TERT: variants seen among roughly 807,000 people sequenced by gnomAD.
The protein encoded by TERT is telomerase catalytic subunit.
In TERT, 42 loss-of-function variants were observed where a neutral mutation model predicts 104.0. That is an observed-to-expected ratio of 0.40 (90% CI 0.32 to 0.52). The LOEUF is 0.52. TERT is among the 20% of genes least tolerant of loss of function. TERT has a pLI of 0.43. For missense variants in TERT, 1,101 were observed against 1,610.3 expected (o/e 0.68, Z 5.41); for synonymous variants, 781 against 725.6 (o/e 1.08, Z -1.23).
chr5:1,289,410 A>G (rs1750721074), intron 2 of TERT, among the ~76,000 whole-genome samples: 1 of 131,268 alleles, frequency 7.6e-6, no homozygotes, highest in Non-Finnish European at 1.6e-5. Flanking sequence ...TGACAGGGAC[A>G]CCCGGGGACG....
chr5:1,282,819 A>C, intron 2 of TERT, 195 bp from the exon 3 acceptor site: 1 of 627,290 alleles, frequency 1.6e-6, no homozygotes, highest in South Asian at 1.7e-5. Context: ...CACCATTCGG[A>C]CACGGGGACA....
chr5:1,254,543 C>T, intron 14 of TERT, 38 bp from the exon 15 acceptor site: 1 of 1,588,734 alleles, frequency 6.3e-7, no homozygotes, highest in Non-Finnish European at 8.6e-7. Flanking sequence ...ACAGGCCCAG[C>T]CCAGCTCCCC....
intron 11 of TERT, 123 bp from the exon 12 acceptor site, chr5:1,260,723 C>T: frequency 1.4e-6 from 2 of 1,420,884 alleles, no homozygotes; most frequent in Non-Finnish European, 1.9e-6. Context: ...GGGGCATGCG[C>T]TGCAGCCCGA....
intron 6 of TERT, among the ~76,000 whole-genome samples, chr5:1,277,604 G>GT (rs1338328860): frequency 2.1e-4 from 13 of 61,182 alleles, no homozygotes; most frequent in Non-Finnish European, 2.3e-4. Flanking sequence ...CAGCGGGGAT[G>GT]TGGGGGGGGG....
chr5:1,293,307 C>T lies in TERT; in HGVS notation c.1573+6G>A, dbSNP rs1561213199. On this transcript the variant is annotated splice_donor_region_variant and intron_variant, in intron 2 of 15. Coordinates refer to ENST00000310581, the MANE Select transcript of TERT (RefSeq NM_198253.3). Reference sequence around the variant, plus strand: ...CCTGGGCCCTCGACGGCCACCACCTCCTCACCTGGGCTCCTGCGCAGCCAA... The same window carrying T: ...CCTGGGCCCTCGACGGCCACCACCTTCTCACCTGGGCTCCTGCGCAGCCAA... 6.2e-7 allele frequency: 1 copy of T among 1,612,728 alleles called. No homozygotes were observed. The highest frequency in any genetic ancestry group is 1.7e-5 in the Admixed American group (1 of 60,036).
chr5:1,280,100 A>C, intron 4 of TERT, 58 bp downstream of exon 4: 4 of 1,607,160 alleles, frequency 2.5e-6, no homozygotes, highest in Non-Finnish European at 2.6e-6. Context: ...GCTGATACCA[A>C]ATGTGGGGCT....
chr5:1,270,071 C>T lies in TERT; in HGVS notation c.2468+1048G>A, dbSNP rs1012601518. On this transcript the variant is annotated intron_variant, in intron 8 of 15. Transcript: ENST00000310581. The surrounding 1 kb of genome is among the most constrained non-coding windows in gnomAD (Gnocchi z 8.3). ...TTCTCTGGGGAGGTGACTTTGTCAG[C>T]GAATTCTGTGGGCCTGGGGGCCGCT... Among the ~76,000 whole-genome samples the T allele has an allele frequency of 1.3e-5, 2 of 152,130 alleles. No individual in the cohort carries two copies. Among genetic ancestry groups the T allele is most frequent in the Non-Finnish European group, 1.5e-5 (1 of 68,036 alleles).
chr5:1,282,283 G>T, intron 3 of TERT, 146 bp downstream of exon 3: 5 of 785,198 alleles, frequency 6.4e-6, no homozygotes, highest in Non-Finnish European at 8.7e-6. Context: ...GAATCCACTT[G>T]GACCAGGCCT....
rs1346650601 is a variant in TERT at position 1,294,030 on chromosome 5, C to T, written c.856G>A (p.Glu286Lys). ...TGGCGCGTGCCAGAGAGCGCACCCT[C>T]CAAAGAGGTGGCTTCTTCGGCGGGT... ...ARPAEEATSL[E>K]GALSGTRHSH... Residue 286 changes from glutamate to lysine, a missense_variant, in exon 2 of 16, where the codon GAG (glutamate) becomes AAG (lysine). By Grantham distance (56) the Glu-to-Lys change is moderately conservative. Coordinates refer to ENST00000310581, the MANE Select transcript of TERT (RefSeq NM_198253.3). 1 of 1,598,802 alleles carries T rather than the reference C, an allele frequency of 6.3e-7. No individual in the cohort carries two copies. Among genetic ancestry groups the T allele is most frequent in the Non-Finnish European group, 8.5e-7 (1 of 1,174,462 alleles).
rs1419571242 is a variant in TERT, at chr5:1,254,381, C to A, written c.3282G>T (p.Gly1094=). The A allele has an allele frequency of 6.2e-7, 1 of 1,613,080 alleles. No homozygotes were observed. Among genetic ancestry groups the A allele is most frequent in the African/African-American group, 1.3e-5 (1 of 74,926 alleles). Residue 1094 remains glycine, a synonymous_variant, in exon 15 of 16, where the codon GGG becomes GGT. Coordinates refer to ENST00000310581, the MANE Select transcript of TERT (RefSeq NM_198253.3). ...ACCCACACTTGCCTGTCCTGAGTGA[C>A]CCCAGGAGTGGCACGTAGGTGACAC... ...RHRVTYVPLL[G]SLRTAQTQLS... is the part of the protein sequence containing the mutation.
At chr5:1,276,485 C>T (rs912470950) in intron 6 of TERT, among the ~76,000 whole-genome samples, 1 of 149,746 alleles carries the variant, frequency 6.7e-6, no homozygotes, top group Non-Finnish European at 1.5e-5. Context: ...ACCAATCCCA[C>T]AGATCCCCAC....
chr5:1,268,951 C>T lies in TERT; in HGVS notation c.2469-318G>A, dbSNP rs35883631. On this transcript the variant is annotated intron_variant, in intron 8 of 15. Coordinates refer to ENST00000310581, the MANE Select transcript of TERT (RefSeq NM_198253.3). The surrounding 1 kb of genome is among the most constrained non-coding windows in gnomAD (Gnocchi z 5.5). ...TATTCACAGAACCAGACACTTGACC[C>T]GGAATGAATGCTTAACCGGACTCCT... Among the ~76,000 whole-genome samples the T allele has an allele frequency of 4.6e-5, 7 of 151,830 alleles. No individual in the cohort carries two copies. Among genetic ancestry groups the T allele is most frequent in the South Asian group, 4.2e-4 (2 of 4,806 alleles).
rs1748147415 is a variant in TERT at position 1,260,485 on chromosome 5, G to C, written c.2959C>G (p.Leu987Val). The C allele has an allele frequency of 6.2e-7, 1 of 1,614,106 alleles. No individual in the cohort carries two copies. Among genetic ancestry groups the C allele is most frequent in the Non-Finnish European group, 8.5e-7 (1 of 1,180,000 alleles). Residue 987 changes from leucine (L) to valine (V), a missense_variant, in exon 12 of 16, where the codon CTG (leucine) becomes GTG (valine). Coordinates refer to ENST00000310581, the MANE Select transcript of TERT (RefSeq NM_198253.3). ...ATCAGCCTGCTCACCTGCAAATCCA[G>C]AAACAGGCTGTGACACTTCAGCCGC... ...VLRLKCHSLF[L>V]DLQVNSLQTV...
intron 4 of TERT, 63 bp downstream of exon 4, chr5:1,280,091 CTGAT>C: frequency 6.2e-7 from 1 of 1,601,014 alleles, no homozygotes; most frequent in East Asian, 2.2e-5. Context: ...TTCATCTAAG[CTGAT>C]ACCAAATGTG....
rs1301306499 is a variant in TERT, at chr5:1,257,936, T to C, written c.3032+662A>G. On this transcript the variant is annotated intron_variant, in intron 13 of 15. Transcript: ENST00000310581. This position sits in a 1 kb window ranked among gnomAD's most constrained non-coding sequence, Gnocchi z 5.6. Reference sequence around the variant, plus strand: ...CGGGCCTGTGGTGCCCGACTGCCCTTTGGTACAGCCCCGAGGCTTGTGCCA... The same window carrying C: ...CGGGCCTGTGGTGCCCGACTGCCCTCTGGTACAGCCCCGAGGCTTGTGCCA... 6.6e-6 allele frequency among the ~76,000 whole-genome samples: 1 copy of C among 152,174 alleles called. No homozygotes were observed.
intron 6 of TERT, among the ~76,000 whole-genome samples, chr5:1,275,309 G>A (rs773544589): frequency 2.6e-5 from 4 of 151,650 alleles, no homozygotes; most frequent in African/African-American, 4.9e-5. Flanking sequence ...AGGAAGCACA[G>A]GTTGCAGTGA....
Position 1,263,209 on chromosome 5 carries a change from A to G in TERT, c.2843+1195T>C, listed in dbSNP as rs1240694856. On this transcript the variant is annotated intron_variant, in intron 11 of 15. Coordinates refer to ENST00000310581, the MANE Select transcript of TERT (RefSeq NM_198253.3). The surrounding 1 kb of genome is among the most constrained non-coding windows in gnomAD (Gnocchi z 5.3). ...GGAAAGAGGCAAAGTCCAGATCTGGACTGTTAACTCAGAACGACAGGACCC... is the reference window on the plus strand; with the variant it reads ...GGAAAGAGGCAAAGTCCAGATCTGGGCTGTTAACTCAGAACGACAGGACCC... 1.3e-5 allele frequency among the ~76,000 whole-genome samples: 2 copies of G among 152,170 alleles called. No homozygotes were observed. Among genetic ancestry groups the G allele is most frequent in the Non-Finnish European group, 2.9e-5 (2 of 68,038 alleles).
chr5:1,290,599 G>A (rs1276240161), intron 2 of TERT, among the ~76,000 whole-genome samples: 1 of 70,540 alleles, frequency 1.4e-5, no homozygotes, highest in African/African-American at 9.1e-5. Context: ...CGGGGACCGC[G>A]CCTCACTCAC....
rs750640403 is a variant in TERT, at chr5:1,253,646, G to A, written c.*82C>T. 9.3e-5 allele frequency: 116 copies of A among 1,248,060 alleles called. 1 individual carries two copies. Among genetic ancestry groups the A allele is most frequent in the Admixed American group, 2.0e-4 (10 of 51,106 alleles). The allele number at this position is 1,248,060 out of a possible 1,614,324, so 77.3% of individuals were successfully genotyped here. On this transcript the variant is annotated 3_prime_UTR_variant, in exon 16 of 16. Coordinates refer to ENST00000310581, the MANE Select transcript of TERT (RefSeq NM_198253.3). ...AGCGGTGCGGGCCTGGGTGTGGGCC[G>A]CCCCTCCCTCCCTGGGACGTAGAGC...
Sources: gnomAD v4.1 joint callset for allele counts (sites outside exome capture counted in the v4.1 genomes callset) on GRCh38, gnomAD v4.1.1 for gene constraint, Gnocchi (gnomAD v3.1) non-coding constraint, MANE v1.5 for transcripts, NCBI Gene and HGNC (gene_info 2026-07-23, HGNC 2026-07-21) for gene names.